The following RAD23B variants were observed in gnomAD, a reference collection of about 807,000 sequenced individuals.
The protein encoded by RAD23B is RAD23 nucleotide excision repair protein B.
Under a neutral mutation model 49.1 loss-of-function variants are expected in RAD23B, and 5 were observed. The ratio of observed to expected loss-of-function variants is 0.10; its 90% confidence interval spans 0.05 to 0.21. The LOEUF (loss-of-function observed/expected upper bound fraction) is 0.21. Among genes scored for constraint, RAD23B ranks in the 10% least tolerant of loss-of-function variants. The pLI is 1.00. For missense variants in RAD23B, 356 were observed against 486.7 expected, an observed-to-expected ratio of 0.73 and a Z score of 2.53; for synonymous variants, 184 against 165.4, an observed-to-expected ratio of 1.11 and a Z score of -0.86.
chr9:107,322,185 G>A (rs1827123701), intron 7 of RAD23B, 67 bp downstream of exon 7: 1 of 1,464,706 alleles, frequency 6.8e-7, no homozygotes, highest in Admixed American at 2.4e-5. Context: ...AATTTAACCT[G>A]AAATACTTCA....
Position 107,283,588 on chromosome 9 carries a change from G to C in RAD23B, c.-42G>C, listed in dbSNP as rs774418198. 10 of 1,456,390 alleles carry C rather than the reference G, an allele frequency of 6.9e-6. No individual in the cohort carries two copies. Among genetic ancestry groups the C allele is most frequent in the Non-Finnish European group, 8.2e-6 (9 of 1,098,130 alleles). 90.2% of individuals were successfully genotyped at this position (1,456,390 alleles called of 1,614,324 possible). On this transcript the variant is annotated 5_prime_UTR_variant, in exon 1 of 10. Coordinates refer to ENST00000358015, the MANE Select transcript of RAD23B (RefSeq NM_002874.5). The stretch of plus-strand genomic sequence containing the variant: ...GGCCACAGACCCCGCCCAGCGGCCA[G>C]CACCCGGCGCAGGCCCGGCAGCCGA...
At chr9:107,283,966 A>C (rs1833217370) in intron 1 of RAD23B, 20 of 1,121,648 alleles carry the variant, frequency 1.8e-5, no homozygotes, top group Non-Finnish European at 2.1e-5. Context: ...GCCTGGGCCT[A>C]GGAGCTCGTG....
intron 3 of RAD23B, among the ~76,000 whole-genome samples, chr9:107,302,740 C>T (rs905284579): frequency 5.3e-5 from 8 of 151,034 alleles, no homozygotes; most frequent in Non-Finnish European, 7.4e-5. Flanking sequence ...ACTACAAGCT[C>T]TGTCTCCCGG....
rs11396857 is a variant in RAD23B at position 107,287,834 on chromosome 9, C to CAAA, written c.66+4153_66+4155dup. Among the ~76,000 whole-genome samples, 120 of 119,170 alleles carry CAAA rather than the reference C, an allele frequency of 1.0e-3. 1 individual carries two copies. The highest frequency in any genetic ancestry group is 2.5e-3 in the Admixed American group (27 of 10,958). 78.2% of individuals were successfully genotyped at this position (119,170 alleles called of 152,430 possible). On this transcript the variant is annotated intron_variant, in intron 1 of 9. Coordinates refer to ENST00000358015, the MANE Select transcript of RAD23B (RefSeq NM_002874.5). Reference sequence around the variant, plus strand: ...GGGTAACAAGAGCGAAACTCCATCTCAAAAAAAAAAAAAAAACAAAAAAAC... The same window carrying CAAA: ...GGGTAACAAGAGCGAAACTCCATCTCAAAAAAAAAAAAAAAAAAACAAAAAAAC...
rs1407780373 is a variant in RAD23B, at chr9:107,306,473, C to G, written c.323C>G (p.Ala108Gly). ...ACTTCCTCCACCACCACAACTGTGG[C>G]TCAGGCTCCAACCCCTGTCCCTGCC... is the stretch of plus-strand genomic sequence containing the variant. The part of the protein sequence containing the change: ...AVTSSTTTTV[A>G]QAPTPVPALA... The change falls in exon 4 of 10, where the codon GCT becomes GGT. Residue 108 changes from alanine (A) to glycine (G), a missense_variant. Physicochemically the swap from Ala to Gly is moderately conservative, Grantham distance 60. Transcript: ENST00000358015. 2.0e-5 allele frequency: 33 copies of G among 1,614,198 alleles called. No individual in the cohort carries two copies. Among genetic ancestry groups the G allele is most frequent in the Non-Finnish European group, 2.7e-5 (32 of 1,180,028 alleles).
chr9:107,302,172 G>T lies in RAD23B; in HGVS notation c.228+58G>T. 3 of 1,604,346 alleles carry T rather than the reference G, an allele frequency of 1.9e-6. No individual in the cohort carries two copies. In the South Asian group the frequency reaches 3.3e-5, roughly 18 times the overall value. On this transcript the variant is annotated intron_variant, in intron 3 of 9. Transcript: ENST00000358015. ...GCATGTAGGTCTTTTTAAAAATGAT[G>T]ATCACAAGTCCACACAATGGACACA...
chr9:107,311,301 GCTTTTGATATTT>G (rs1440369027), intron 4 of RAD23B, among the ~76,000 whole-genome samples: 2 of 151,936 alleles, frequency 1.3e-5, no homozygotes, highest in Non-Finnish European at 2.9e-5. Context: ...TTTGTATACT[GCTTTTGATATTT>G]CTTCTGGTGT....
chr9:107,321,947 G>T, intron 6 of RAD23B, 36 bp from the exon 7 acceptor site: 1 of 1,559,456 alleles, frequency 6.4e-7, no homozygotes, highest in South Asian at 1.2e-5. Flanking sequence ...AATTTTGCAT[G>T]ATGGGATATC....
chr9:107,313,123 C>T (rs561278424), intron 5 of RAD23B, among the ~76,000 whole-genome samples: 1 of 152,254 alleles, frequency 6.6e-6, no homozygotes, highest in Admixed American at 6.5e-5. Flanking sequence ...CCTTCTTTGG[C>T]TGCTGTGACA....
At chr9:107,292,472 A>G (rs1020513550) in intron 1 of RAD23B, among the ~76,000 whole-genome samples, 40 of 152,246 alleles carry the variant, frequency 2.6e-4, no homozygotes, top group African/African-American at 9.4e-4. Flanking sequence ...CGAGGTCAGG[A>G]GTTCGAGACC....
intron 9 of RAD23B, among the ~76,000 whole-genome samples, chr9:107,327,511 G>T (rs928925961): frequency 1.3e-5 from 2 of 151,938 alleles, no homozygotes; most frequent in African/African-American, 4.8e-5. Flanking sequence ...TTCCCATTTG[G>T]TTTCTAATTT....
chr9:107,312,312 A>G (rs868372187), intron 5 of RAD23B, among the ~76,000 whole-genome samples: 14 of 151,994 alleles, frequency 9.2e-5, no homozygotes, highest in South Asian at 4.2e-4. Context: ...CCTGCTAATT[A>G]CTGGTTTATT....
At chr9:107,291,809 C>T (rs1179261915) in intron 1 of RAD23B, among the ~76,000 whole-genome samples, 5 of 152,146 alleles carry the variant, frequency 3.3e-5, no homozygotes, top group Non-Finnish European at 7.4e-5. Flanking sequence ...TGGGAATCTC[C>T]TTTATTTTGC....
intron 5 of RAD23B, among the ~76,000 whole-genome samples, chr9:107,312,416 G>C (rs1296272397): frequency 6.6e-6 from 1 of 152,268 alleles, no homozygotes; most frequent in East Asian, 1.9e-4. Context: ...TGCAGTACAG[G>C]CTTCTGGATT....
intron 5 of RAD23B, among the ~76,000 whole-genome samples, chr9:107,317,538 A>G (rs1015967108): frequency 5.3e-5 from 8 of 152,046 alleles, no homozygotes; most frequent in Non-Finnish European, 1.2e-4. Context: ...AAGAGGAATT[A>G]GGATGAAGTC....
intron 1 of RAD23B, chr9:107,284,108 G>T: frequency 1.0e-6 from 1 of 999,150 alleles, no homozygotes; most frequent in Non-Finnish European, 1.2e-6. Flanking sequence ...CTGGTTAGCC[G>T]CTTAGTTCCC....
intron 8 of RAD23B, 93 bp downstream of exon 8, chr9:107,324,110 C>G: frequency 3.9e-6 from 5 of 1,298,668 alleles, no homozygotes; most frequent in South Asian, 1.3e-5. Context: ...AAATACAACT[C>G]TGTATTTGAG....
chr9:107,284,617 A>G, intron 1 of RAD23B: 1 of 625,112 alleles, frequency 1.6e-6, no homozygotes, highest in South Asian at 3.9e-5. Flanking sequence ...AGGTCAGTAC[A>G]ACTTTATGCC....
intron 3 of RAD23B, among the ~76,000 whole-genome samples, chr9:107,306,037 G>A (rs1302170683): frequency 6.4e-5 from 7 of 108,936 alleles, no homozygotes; most frequent in African/African-American, 2.0e-4. Flanking sequence ...TTGGGAAAAT[G>A]ATACGGTTTA....
Sources: gnomAD v4.1 joint callset for allele counts (sites outside exome capture counted in the v4.1 genomes callset) on GRCh38, gnomAD v4.1.1 for gene constraint, MANE v1.5 for transcripts, NCBI Gene and HGNC (gene_info 2026-07-23, HGNC 2026-07-21) for gene names.